HMCN1: variants seen among roughly 807,000 people sequenced by gnomAD.
The protein encoded by HMCN1 is hemicentin-1.
Under a neutral mutation model 625.9 loss-of-function variants are expected in HMCN1, and 321 were observed. The ratio of observed to expected loss-of-function variants is 0.51; its 90% confidence interval spans 0.47 to 0.56. The LOEUF (loss-of-function observed/expected upper bound fraction) is 0.56. Among genes scored for constraint, HMCN1 ranks in the 20% least tolerant of loss-of-function variants. The probability of loss-of-function intolerance (pLI) is 0.00; values close to 1 mark genes in which losing one functional copy is unlikely to be tolerated. For missense variants in HMCN1, 6,588 were observed against 6,887.3 expected, an observed-to-expected ratio of 0.96 and a Z score of 1.54; for synonymous variants, 2,425 against 2,417.6, an observed-to-expected ratio of 1.00 and a Z score of -0.09.
Position 185,743,982 on chromosome 1 carries a change from GTTTTTTTTTT to G in HMCN1, c.268+8950_268+8959del, listed in dbSNP as rs1214723950. Among the ~76,000 whole-genome samples the G allele has an allele frequency of 5.7e-5, 5 of 88,146 alleles. No individual in the cohort carries two copies. In the South Asian group the frequency reaches 2.2e-3, roughly 38 times the overall value. 57.8% of individuals were successfully genotyped at this position (88,146 alleles called of 152,430 possible). On this transcript the variant is annotated intron_variant, in intron 1 of 106. Transcript: ENST00000271588. ...TTCTACTTGATGACTTTACTGTTTT[GTTTTTTTTTT>G]TTTTTTTTTTTTTTGAGACGGAGTC...
Position 186,015,170 on chromosome 1 carries a change from A to G in HMCN1, c.4642A>G (p.Ile1548Val). The part of the protein sequence containing the change: ...IKLTIYIPPS[I>V]KGGNVTTDIS... ...GAAATCCTTTGTAGTTCCACCTAGT[A>G]TTAAAGGAGGAAATGTCACCACAGA... The change falls in exon 31 of 107, where the codon ATT (isoleucine) becomes GTT (valine). Residue 1548 changes from isoleucine (I) to valine (V), a missense_variant. Physicochemically the swap from Ile to Val is conservative, Grantham distance 29. Coordinates refer to ENST00000271588, the MANE Select transcript of HMCN1 (RefSeq NM_031935.3). 6.2e-7 allele frequency: 1 copy of G among 1,613,468 alleles called. No homozygotes were observed.
At chr1:186,144,400 G>A (rs1650153613) in intron 90 of HMCN1, 57 bp downstream of exon 90, 2 of 1,601,412 alleles carry the variant, frequency 1.2e-6, no homozygotes, top group African/African-American at 1.3e-5. Flanking sequence ...ATCTTATCTA[G>A]GTAGTATGTC....
Position 186,007,198 on chromosome 1 carries a change from C to A in HMCN1, c.4546C>A (p.Arg1516=). The A allele has an allele frequency of 6.2e-7, 1 of 1,612,998 alleles. No individual in the cohort carries two copies. The highest frequency in any genetic ancestry group is 8.5e-7 in the Non-Finnish European group (1 of 1,179,124). Residue 1516 remains arginine (R), a synonymous_variant, in exon 30 of 107, where the codon CGG becomes AGG. Coordinates refer to ENST00000271588, the MANE Select transcript of HMCN1 (RefSeq NM_031935.3). ...RGQVLHLKNA[R]RNDKGRYQCT... ...ACAAGTCTTACATTTAAAGAATGCACGGAGAAATGACAAGGGGCGCTACCA... is the reference window on the plus strand; with the variant it reads ...ACAAGTCTTACATTTAAAGAATGCAAGGAGAAATGACAAGGGGCGCTACCA...
chr1:185,804,958 T>C (rs976771018), intron 1 of HMCN1, among the ~76,000 whole-genome samples: 1 of 152,138 alleles, frequency 6.6e-6, no homozygotes, highest in Non-Finnish European at 1.5e-5. Context: ...ATTTCTCTAT[T>C]GACTTGTTGT....
At position 186,019,616 on chromosome 1, in the gene HMCN1, T is replaced by C. The variant is rs756344375; in HGVS notation, c.5546T>C (p.Ile1849Thr). 1 of 1,610,718 alleles carries C rather than the reference T, an allele frequency of 6.2e-7. No individual in the cohort carries two copies. The highest frequency in any genetic ancestry group is 2.2e-5 in the East Asian group (1 of 44,822). The change falls in exon 35 of 107, where the codon ATA becomes ACA. Residue 1849 changes from isoleucine to threonine, a missense_variant. Ile to Thr is a moderately conservative substitution (Grantham distance 89). This residue lies in a region of HMCN1 where 4,628 missense variants were observed against 4,853.1 expected (regional missense o/e 0.95). Coordinates refer to ENST00000271588, the MANE Select transcript of HMCN1 (RefSeq NM_031935.3). ...VKYKPVALQC[I>T]ANGIPNPSIT... ...TACAAGCCTGTCGCCTTGCAGTGCATAGCCAATGGGATTCCAAATCCTTCC... is the reference window on the plus strand; with the variant it reads ...TACAAGCCTGTCGCCTTGCAGTGCACAGCCAATGGGATTCCAAATCCTTCC...
chr1:185,988,271 A>G (rs192008880), intron 20 of HMCN1, among the ~76,000 whole-genome samples: 5 of 152,188 alleles, frequency 3.3e-5, no homozygotes, highest in African/African-American at 4.8e-5. Context: ...TTTTACTTGT[A>G]TTCTTGCAGT....
At position 186,088,151 on chromosome 1, in the gene HMCN1, C is replaced by A. The variant is rs779141963; in HGVS notation, c.9452C>A (p.Pro3151His). 8.1e-6 allele frequency: 13 copies of A among 1,607,540 alleles called. No homozygotes were observed. In the East Asian group the frequency reaches 1.6e-4, roughly 19 times the overall value. Reference protein sequence around the residue: ...KNFHLNVYVPPSIEGPEREVI... With the variant: ...KNFHLNVYVPHSIEGPEREVI... ...GTTTGTTTGTTTTTTACAGTGCCAC[C>A]CAGTATTGAAGGACCTGAAAGAGAA... Residue 3151 changes from proline (P) to histidine (H), a missense_variant, in exon 62 of 107, where the codon CCC becomes CAC. By Grantham distance (77) the Pro-to-His change is moderately conservative (BLOSUM62 -2). Around this residue, in one of 3 missense-constraint regions of HMCN1, gnomAD observed 4,628 missense variants for 4,853.1 expected, o/e 0.95. Transcript: ENST00000271588.
chr1:186,048,734 T>C lies in HMCN1; in HGVS notation c.6481-9T>C. The C allele has an allele frequency of 1.3e-6, 2 of 1,550,134 alleles. No individual in the cohort carries two copies. Among genetic ancestry groups the C allele is most frequent in the Non-Finnish European group, 1.8e-6 (2 of 1,122,274 alleles). ...AAAGTGTGATTTCAAAGGATGATTT[T>C]GTTTTCAGATTGAAGATGCTCAGGT... On this transcript the variant is annotated splice_polypyrimidine_tract_variant and intron_variant, in intron 41 of 106. Coordinates refer to ENST00000271588, the MANE Select transcript of HMCN1 (RefSeq NM_031935.3).
intron 11 of HMCN1, among the ~76,000 whole-genome samples, chr1:185,955,694 A>G (rs1183578307): frequency 6.6e-6 from 1 of 152,220 alleles, no homozygotes; most frequent in Non-Finnish European, 1.5e-5. Context: ...AAGAATGGAT[A>G]GGTGTTGCTC....
intron 10 of HMCN1, among the ~76,000 whole-genome samples, chr1:185,932,452 C>A (rs188025053): frequency 1.3e-5 from 2 of 152,114 alleles, no homozygotes; most frequent in Non-Finnish European, 2.9e-5. Context: ...TCATATTAAA[C>A]TAAAACAGAC....
At chr1:186,183,325 C>T (rs772809236) in intron 105 of HMCN1, among the ~76,000 whole-genome samples, 13 of 152,138 alleles carry the variant, frequency 8.5e-5, no homozygotes, top group Non-Finnish European at 2.9e-5. Context: ...ATGGCTTCAC[C>T]CTAGTTACTG....
chr1:186,134,672 C>G (rs1004485691), intron 86 of HMCN1, among the ~76,000 whole-genome samples: 1 of 152,112 alleles, frequency 6.6e-6, no homozygotes, highest in African/African-American at 2.4e-5. Flanking sequence ...AATATCACAA[C>G]AAAACACATT....
chr1:186,033,060 A>ACATG (rs1553278236), intron 36 of HMCN1, among the ~76,000 whole-genome samples: 11 of 142,754 alleles, frequency 7.7e-5, no homozygotes, highest in African/African-American at 2.9e-4. Context: ...TGATATACAC[A>ACATG]CACGCACACA....
In HMCN1 at chr1:186,136,892, A is replaced by G; in HGVS notation, c.13537A>G (p.Asn4513Asp). The G allele has an allele frequency of 6.2e-7, 1 of 1,614,050 alleles. No homozygotes were observed. The highest frequency in any genetic ancestry group is 8.5e-7 in the Non-Finnish European group (1 of 1,179,960). The change falls in exon 87 of 107, where the codon AAC (asparagine) becomes GAC (aspartate). Residue 4513 changes from asparagine (N) to aspartate (D), a missense_variant. Asn to Asp is a conservative substitution (Grantham distance 23). Transcript: ENST00000271588. ...CTCTGAATTTGAATGTGTTGCTCGA[A>G]ACTTAATGGGTTCTGTCCTTGTCAG... ...DTSEFECVAR[N>D]LMGSVLVRVP...
At chr1:185,797,960 C>T (rs868094116) in intron 1 of HMCN1, among the ~76,000 whole-genome samples, 53 of 72,242 alleles carry the variant, frequency 7.3e-4, no homozygotes, top group East Asian at 5.6e-3. Flanking sequence ...AGCGAGACTC[C>T]GTCTCAAAAA....
chr1:186,151,217 A>G lies in HMCN1; in HGVS notation c.14626A>G (p.Arg4876Gly), dbSNP rs777848185. 1 of 1,613,720 alleles carries G rather than the reference A, an allele frequency of 6.2e-7. No individual in the cohort carries two copies. Among genetic ancestry groups the G allele is most frequent in the South Asian group, 1.1e-5 (1 of 91,046 alleles). The change falls in exon 94 of 107, where the codon AGA (arginine) becomes GGA (glycine). Residue 4876 changes from arginine (R) to glycine (G), a missense_variant. Arg to Gly is a moderately radical substitution (Grantham distance 125). Around this residue, in one of 3 missense-constraint regions of HMCN1, gnomAD observed 1,954 missense variants for 2,013.1 expected, o/e 0.97. Coordinates refer to ENST00000271588, the MANE Select transcript of HMCN1 (RefSeq NM_031935.3). ...QACPGGPQRA[R>G]GSVIGNINDV... ...CCCAATAGGTGGGCCCCAGCGAGCC[A>G]GAGGAAGTGTTATTGGAAATATTAA... is the stretch of plus-strand genomic sequence containing the variant.
chr1:185,980,523 C>G (rs1240133967), intron 16 of HMCN1, among the ~76,000 whole-genome samples: 2 of 152,138 alleles, frequency 1.3e-5, no homozygotes, highest in South Asian at 2.1e-4. Flanking sequence ...AGTTTTTACC[C>G]ACTGAATGCC....
rs753158653 is a variant in HMCN1 at position 186,078,148 on chromosome 1, G to A, written c.8527G>A (p.Ala2843Thr). Reference protein sequence around the residue: ...LQIPRAKVEDAGRYTCVAVNE... With the variant: ...LQIPRAKVEDTGRYTCVAVNE... ...GATTCCTCGGGCTAAAGTAGAAGAT[G>A]CTGGGAGATACACATGTGTGGCTGT... Residue 2843 changes from alanine to threonine, a missense_variant, in exon 55 of 107, where the codon GCT (alanine) becomes ACT (threonine). Around this residue, in one of 3 missense-constraint regions of HMCN1, gnomAD observed 4,628 missense variants for 4,853.1 expected, o/e 0.95. Coordinates refer to ENST00000271588, the MANE Select transcript of HMCN1 (RefSeq NM_031935.3). 1 of 1,613,866 alleles carries A rather than the reference G, an allele frequency of 6.2e-7. No individual in the cohort carries two copies. Among genetic ancestry groups the A allele is most frequent in the Non-Finnish European group, 8.5e-7 (1 of 1,179,880 alleles).
chr1:186,050,421 A>G (rs1368911559), intron 42 of HMCN1, among the ~76,000 whole-genome samples: 1 of 151,934 alleles, frequency 6.6e-6, no homozygotes, highest in Non-Finnish European at 1.5e-5. Flanking sequence ...GGTGTACCAT[A>G]TAAGAAGAGA....
Sources: gnomAD v4.1 joint callset for allele counts (sites outside exome capture counted in the v4.1 genomes callset) on GRCh38, gnomAD v4.1.1 for gene constraint, gnomAD v4.1.1 regional missense constraint, MANE v1.5 for transcripts, NCBI Gene and HGNC (gene_info 2026-07-23, HGNC 2026-07-21) for gene names.